RGS7BP: variants seen among roughly 807,000 people sequenced by gnomAD.
RGS7BP encodes the protein regulator of G protein signaling 7-binding protein.
RGS7BP carries 9 observed loss-of-function variants against 31.3 expected under a neutral mutation model. The ratio of observed to expected loss-of-function variants is 0.29; its 90% confidence interval spans 0.17 to 0.50. The LOEUF (loss-of-function observed/expected upper bound fraction) is 0.50, where lower values mean the gene tolerates loss of function less well. RGS7BP is among the 20% of genes least tolerant of loss of function. RGS7BP has a pLI of 0.98. For synonymous variants in RGS7BP, 115 were observed against 120.1 expected (o/e 0.96, Z 0.28); for missense variants, 274 against 322.0 (o/e 0.85, Z 1.14).
At chr5:64,531,964 T>G (rs1312874530) in intron 2 of RGS7BP, among the ~76,000 whole-genome samples, 2 of 151,716 alleles carry the variant, frequency 1.3e-5, no homozygotes, top group Admixed American at 6.6e-5. Flanking sequence ...TACCTGCTAG[T>G]TTTTTTTTCC....
chr5:64,570,308 C>A (rs886795154), intron 2 of RGS7BP, among the ~76,000 whole-genome samples: 1 of 152,076 alleles, frequency 6.6e-6, no homozygotes, highest in African/African-American at 2.4e-5. Context: ...TTGATCCTTG[C>A]AGCAACCTTG....
intron 2 of RGS7BP, among the ~76,000 whole-genome samples, chr5:64,528,610 G>A (rs920625301): frequency 5.3e-5 from 8 of 151,864 alleles, no homozygotes; most frequent in East Asian, 1.9e-4. Flanking sequence ...TCAGGTGTTC[G>A]AGACCAGCCT....
At chr5:64,584,060 C>T (rs1742675037) in intron 3 of RGS7BP, among the ~76,000 whole-genome samples, 1 of 152,180 alleles carries the variant, frequency 6.6e-6, no homozygotes, top group South Asian at 2.1e-4. Context: ...ACATTTATCT[C>T]ACTACAAAGT....
At chr5:64,540,660 C>T (rs776113074) in intron 2 of RGS7BP, among the ~76,000 whole-genome samples, 12 of 152,092 alleles carry the variant, frequency 7.9e-5, no homozygotes, top group Non-Finnish European at 1.3e-4. Flanking sequence ...AGTTCAAGTC[C>T]TCTGGGAACC....
chr5:64,611,682 G>C lies in RGS7BP; in HGVS notation c.*2430G>C, dbSNP rs1743507228. On this transcript the variant is annotated 3_prime_UTR_variant, in exon 6 of 6. Transcript: ENST00000334025. ...TTTGATCAGTTTTGTAGTTCCCGTG[G>C]ATAAACTCCAAGATCTAAAGATCCT... 6.6e-6 allele frequency: 1 copy of C among 152,060 alleles called. No homozygotes were observed. The highest frequency in any genetic ancestry group is 2.4e-5 in the African/African-American group (1 of 41,308). 9.4% of individuals were successfully genotyped at this position (152,060 alleles called of 1,614,324 possible). A position where few individuals can be genotyped will look rare whatever the true frequency, so the allele number is the denominator to read the frequency against.
chr5:64,609,930 T>C lies in RGS7BP; in HGVS notation c.*678T>C, dbSNP rs1743461694. ...ATCCTAATACCTTCGTACAAATGCA[T>C]ATGGGCAACTAATTTCTTTTTGATC... On this transcript the variant is annotated 3_prime_UTR_variant, in exon 6 of 6. Coordinates refer to ENST00000334025, the MANE Select transcript of RGS7BP (RefSeq NM_001029875.3). The C allele has an allele frequency of 6.6e-6, 1 of 152,452 alleles. No homozygotes were observed. 9.4% of individuals were successfully genotyped at this position (152,452 alleles called of 1,614,324 possible).
At chr5:64,528,266 A>G (rs2111916417) in intron 2 of RGS7BP, among the ~76,000 whole-genome samples, 1 of 152,334 alleles carries the variant, frequency 6.6e-6, no homozygotes, top group South Asian at 2.1e-4. Flanking sequence ...TGAGAAAGTC[A>G]GGAGGCCAGG....
At position 64,612,312 on chromosome 5, in the gene RGS7BP, AC is replaced by A. The variant is rs1743526323; in HGVS notation, c.*3061del. On this transcript the variant is annotated 3_prime_UTR_variant, in exon 6 of 6. Transcript: ENST00000334025. Reference sequence around the variant, plus strand: ...TCACTTAAAAAAACAAACAAAAAAAACAAGCCAGAAAAAAAAAATTCTGTCC... The same window carrying A: ...TCACTTAAAAAAACAAACAAAAAAAAAAGCCAGAAAAAAAAAATTCTGTCC... 6.6e-6 allele frequency: 1 copy of A among 152,170 alleles called. No homozygotes were observed. The highest frequency in any genetic ancestry group is 2.4e-5 in the African/African-American group (1 of 41,354). 9.4% of individuals were successfully genotyped at this position (152,170 alleles called of 1,614,324 possible). A position where few individuals can be genotyped will look rare whatever the true frequency, so the allele number is the denominator to read the frequency against.
At chr5:64,563,439 C>T (rs1387459453) in intron 2 of RGS7BP, among the ~76,000 whole-genome samples, 2 of 152,006 alleles carry the variant, frequency 1.3e-5, no homozygotes, top group Non-Finnish European at 2.9e-5. Context: ...TAGAGTGGGC[C>T]TCTAATCCAT....
At chr5:64,555,127 A>C (rs1741890216) in intron 2 of RGS7BP, among the ~76,000 whole-genome samples, 1 of 152,156 alleles carries the variant, frequency 6.6e-6, no homozygotes, top group African/African-American at 2.4e-5. Flanking sequence ...CAAAATACTA[A>C]GGACAAAGGA....
Position 64,537,800 on chromosome 5 carries a change from C to T in RGS7BP, c.332+29923C>T, listed in dbSNP as rs78130114. ...GTCTGTCATATGAAGAATATCTCTGCCTGCTCTGCTATGCTGCTAAAAGCA... is the reference window on the plus strand; with the variant it reads ...GTCTGTCATATGAAGAATATCTCTGTCTGCTCTGCTATGCTGCTAAAAGCA... On this transcript the variant is annotated intron_variant, in intron 2 of 5. Coordinates refer to ENST00000334025, the MANE Select transcript of RGS7BP (RefSeq NM_001029875.3). Among the ~76,000 whole-genome samples the T allele has an allele frequency of 6.5e-3, 988 of 152,234 alleles. 15 individuals are homozygous for T. Among genetic ancestry groups the T allele is most frequent in the African/African-American group, 0.022 (899 of 41,530 alleles).
chr5:64,531,271 T>C (rs1163280655), intron 2 of RGS7BP, among the ~76,000 whole-genome samples: 1 of 152,258 alleles, frequency 6.6e-6, no homozygotes, highest in Non-Finnish European at 1.5e-5. Context: ...TCCTTCTATT[T>C]TTCTGCAGTA....
In RGS7BP at chr5:64,570,865, A is replaced by T. The variant is rs114412287; in HGVS notation, c.333-4909A>T. Among the ~76,000 whole-genome samples, 762 of 152,234 alleles carry T rather than the reference A, an allele frequency of 5.0e-3. 7 individuals are homozygous for T. Among genetic ancestry groups the T allele is most frequent in the African/African-American group, 0.014 (593 of 41,564 alleles). ...CCAGCAATCCATATTATTTTTCTGA[A>T]CCTGCAGACATCAGTAAACTTTACT... On this transcript the variant is annotated intron_variant, in intron 2 of 5. Coordinates refer to ENST00000334025, the MANE Select transcript of RGS7BP (RefSeq NM_001029875.3).
chr5:64,582,838 T>C lies in RGS7BP; in HGVS notation c.463+6934T>C, dbSNP rs560489719. Reference sequence around the variant, plus strand: ...GTGTATTCAGCATCATATTAAGAAATATAAAGGAGGTGATCCACATCAATA... The same window carrying C: ...GTGTATTCAGCATCATATTAAGAAACATAAAGGAGGTGATCCACATCAATA... On this transcript the variant is annotated intron_variant, in intron 3 of 5. Coordinates refer to ENST00000334025, the MANE Select transcript of RGS7BP (RefSeq NM_001029875.3). Among the ~76,000 whole-genome samples, 10 of 151,906 alleles carry C rather than the reference T, an allele frequency of 6.6e-5. No homozygotes were observed. In the East Asian group the frequency reaches 1.7e-3, roughly 26 times the overall value.
chr5:64,545,584 A>G (rs1265397802), intron 2 of RGS7BP, among the ~76,000 whole-genome samples: 1 of 152,240 alleles, frequency 6.6e-6, no homozygotes, highest in Non-Finnish European at 1.5e-5. Flanking sequence ...TGCATAATTT[A>G]TGTGGGCAGT....
At chr5:64,528,534 G>A (rs115894101) in intron 2 of RGS7BP, among the ~76,000 whole-genome samples, 2,104 of 152,188 alleles carry the variant, frequency 0.014, 25 homozygotes, top group Middle Eastern at 0.027. Flanking sequence ...AGGATAGGCC[G>A]GGTGCAGTGG....
At chr5:64,546,853 A>G (rs1741671052) in intron 2 of RGS7BP, among the ~76,000 whole-genome samples, 1 of 152,168 alleles carries the variant, frequency 6.6e-6, no homozygotes, top group Non-Finnish European at 1.5e-5. Flanking sequence ...ATATGTATAC[A>G]CCTGTGTAGC....
At chr5:64,535,148 C>T (rs1223900896) in intron 2 of RGS7BP, among the ~76,000 whole-genome samples, 1 of 152,106 alleles carries the variant, frequency 6.6e-6, no homozygotes, top group Non-Finnish European at 1.5e-5. Context: ...GAACAGAAGT[C>T]TGGATTGGAG....
intron 2 of RGS7BP, among the ~76,000 whole-genome samples, chr5:64,531,113 C>T (rs1327499211): frequency 6.6e-6 from 1 of 152,160 alleles, no homozygotes; most frequent in African/African-American, 2.4e-5. Context: ...AGAGGAAATA[C>T]TCTCCCCATG....
Sources: allele counts gnomAD v4.1 joint callset (sites outside exome capture counted in the v4.1 genomes callset), GRCh38; gene constraint gnomAD v4.1.1; transcripts MANE v1.5; gene names NCBI Gene and HGNC (gene_info 2026-07-23, HGNC 2026-07-21).